Variants in LIPA observed in about 807,000 individuals in gnomAD.
The protein encoded by LIPA is lipase A, lysosomal acid type.
LIPA carries 26 observed loss-of-function variants against 40.6 expected under a neutral mutation model. The ratio of observed to expected loss-of-function variants is 0.64; its 90% CI spans 0.47 to 0.89. The LOEUF (loss-of-function observed/expected upper bound fraction) is 0.89, where lower values mean the gene tolerates loss of function less well. Among genes scored for constraint, LIPA ranks in the 40% least tolerant of loss-of-function variants. The pLI is 0.00. For synonymous variants in LIPA, 188 were observed against 168.4 expected, an observed-to-expected ratio of 1.12 and a Z score of -0.90; for missense variants, 455 against 479.6, an observed-to-expected ratio of 0.95 and a Z score of 0.48.
intron 1 of LIPA, among the ~76,000 whole-genome samples, chr10:89,285,553 TTGG>T (rs1220158110): frequency 6.6e-6 from 1 of 152,210 alleles, no homozygotes; most frequent in Non-Finnish European, 1.5e-5. Flanking sequence ...GATGCCTGCC[TTGG>T]TCATTCACCC....
At chr10:89,366,689 G>A (rs1427051674) in intron 2 of LIPA, among the ~76,000 whole-genome samples, 1 of 152,174 alleles carries the variant, frequency 6.6e-6, no homozygotes, top group Non-Finnish European at 1.5e-5. Flanking sequence ...GTGCTGGAGA[G>A]GATGTAGAGA....
chr10:89,412,709 G>C (rs1359594839), intron 2 of LIPA: 2 of 430,652 alleles, frequency 4.6e-6, no homozygotes, highest in Non-Finnish European at 9.2e-6. Context: ...AACAACTCCG[G>C]ACGCGCCACC....
At chr10:89,398,331 A>G (rs1440933127) in intron 2 of LIPA, among the ~76,000 whole-genome samples, 1 of 152,214 alleles carries the variant, frequency 6.6e-6, no homozygotes, top group Non-Finnish European at 1.5e-5. Context: ...TGTTCCCTGA[A>G]AGGGGAACAA....
chr10:89,295,815 A>G (rs1023253281), intron 1 of LIPA, among the ~76,000 whole-genome samples: 8 of 152,250 alleles, frequency 5.3e-5, no homozygotes, highest in African/African-American at 1.9e-4. Flanking sequence ...AAATAGAAAT[A>G]ACACCAGGAG....
intron 1 of LIPA, among the ~76,000 whole-genome samples, chr10:89,250,212 G>A (rs759111672): frequency 6.7e-5 from 10 of 149,820 alleles, no homozygotes; most frequent in Non-Finnish European, 1.5e-4. Context: ...CCATTCTCCC[G>A]CCTCAGCCTC....
intron 1 of LIPA, chr10:89,306,445 G>A (rs1393824623): frequency 3.7e-6 from 6 of 1,614,132 alleles, no homozygotes; most frequent in Non-Finnish European, 5.1e-6. Context: ...GCTTTGAGAA[G>A]GCTCTGGAAA....
chr10:89,258,668 A>G (rs1379413633), intron 1 of LIPA, among the ~76,000 whole-genome samples: 1 of 152,206 alleles, frequency 6.6e-6, no homozygotes, highest in Non-Finnish European at 1.5e-5. Flanking sequence ...GTAAACATAG[A>G]GTTATCATAT....
chr10:89,234,734 TA>T, intron 3 of LIPA, among the ~76,000 whole-genome samples: 1 of 152,294 alleles, frequency 6.6e-6, no homozygotes, highest in Non-Finnish European at 1.5e-5. Context: ...TCTGGGAAGG[TA>T]AAACCTATTG....
At chr10:89,248,620 G>A (rs1319383311) in intron 1 of LIPA, among the ~76,000 whole-genome samples, 2 of 150,276 alleles carry the variant, frequency 1.3e-5, no homozygotes, top group Middle Eastern at 3.2e-3. Context: ...GACTACAGGC[G>A]CCCGCCACCA....
intron 8 of LIPA, among the ~76,000 whole-genome samples, chr10:89,218,039 C>T (rs1426516670): frequency 6.6e-6 from 1 of 151,944 alleles, no homozygotes; most frequent in East Asian, 1.9e-4. Context: ...CAAATATACA[C>T]TAAGGTTATA....
At chr10:89,313,431 A>G (rs76310631) in intron 1 of LIPA, among the ~76,000 whole-genome samples, 3,012 of 152,342 alleles carry the variant, frequency 0.02, 45 homozygotes, top group African/African-American at 0.038. Flanking sequence ...TTACCTCAAA[A>G]ATAAGTATGT....
At chr10:89,216,987 C>A (rs1194720607) in intron 8 of LIPA, among the ~76,000 whole-genome samples, 2 of 152,144 alleles carry the variant, frequency 1.3e-5, no homozygotes, top group African/African-American at 4.8e-5. Flanking sequence ...TTGAAATTTA[C>A]ATTTATTCAT....
At chr10:89,258,874 A>G (rs1843193724) in intron 1 of LIPA, among the ~76,000 whole-genome samples, 1 of 152,262 alleles carries the variant, frequency 6.6e-6, no homozygotes, top group African/African-American at 2.4e-5. Context: ...TTCTTCTATA[A>G]TTTAAAAATG....
In LIPA at chr10:89,236,669, A is replaced by C. The variant is rs1029698113; in HGVS notation, c.230-8271T>G. Among the ~76,000 whole-genome samples the C allele has an allele frequency of 2.6e-5, 4 of 152,208 alleles. No individual in the cohort carries two copies. In the South Asian group the frequency reaches 8.3e-4, roughly 32 times the overall value. ...AAAGATGACTGTTAAAAAAAAAGGG[A>C]AAGAAAATTTGTGAAGCCATTTGTC... On this transcript the variant is annotated intron_variant, in intron 3 of 9. Transcript: ENST00000336233.
rs1843207160 is a variant in LIPA at position 89,261,438 on chromosome 10, G to A, written c.-1-13789C>T. Among the ~76,000 whole-genome samples, 6 of 152,308 alleles carry A rather than the reference G, an allele frequency of 3.9e-5. No individual in the cohort carries two copies. The South Asian group carries it at 1.2e-3, about 32-fold the overall frequency. On this transcript the variant is annotated intron_variant, in intron 1 of 5. Coordinates refer to the LIPA transcript ENST00000282673. ...GAGAATCGCTTGAACCCGGGAGGAG[G>A]AGGTTGCAGTGAGCCCAGATCGTGC...
rs187921630 is a variant in LIPA at position 89,250,000 on chromosome 10, C to T, written c.-2+1737G>A. On this transcript the variant is annotated intron_variant, in intron 1 of 9. Coordinates refer to ENST00000336233, the MANE Select transcript of LIPA (RefSeq NM_000235.4). ...GAGATTGCAAAAGTGAACTGACTCC[C>T]TTCTGTTGATGGAATTCCTCCTGGG... is the stretch of plus-strand genomic sequence containing the variant. 2.9e-3 allele frequency among the ~76,000 whole-genome samples: 448 copies of T among 152,188 alleles called. 2 individuals are homozygous for T. Among genetic ancestry groups the T allele is most frequent in the Non-Finnish European group, 5.1e-3 (347 of 68,022 alleles).
chr10:89,266,076 A>G (rs1376333230), intron 1 of LIPA, among the ~76,000 whole-genome samples: 3 of 152,206 alleles, frequency 2.0e-5, no homozygotes, highest in Admixed American at 2.0e-4. Flanking sequence ...TATGTTTTCT[A>G]TCCTCAGATT....
intron 1 of LIPA, among the ~76,000 whole-genome samples, chr10:89,320,949 C>G (rs1843568469): frequency 6.6e-6 from 1 of 151,694 alleles, no homozygotes; most frequent in South Asian, 2.1e-4. Context: ...ACAAACCTGA[C>G]AAAAACAAGC....
chr10:89,305,498 T>G (rs1275254228), intron 1 of LIPA, among the ~76,000 whole-genome samples: 1 of 152,058 alleles, frequency 6.6e-6, no homozygotes, highest in African/African-American at 2.4e-5. Context: ...GATGAGAAAT[T>G]AAAATCACCA....
Sources: gnomAD v4.1 joint callset for allele counts (sites outside exome capture counted in the v4.1 genomes callset) on GRCh38, gnomAD v4.1.1 for gene constraint, MANE v1.5 for transcripts, NCBI Gene and HGNC (gene_info 2026-07-23, HGNC 2026-07-21) for gene names.